Variants in FTO observed in about 807,000 individuals in gnomAD.
The protein encoded by FTO is alpha-ketoglutarate-dependent dioxygenase FTO.
In FTO, 47 loss-of-function variants were observed where a neutral mutation model predicts 63.9. That is an observed-to-expected ratio of 0.74 (90% CI 0.58 to 0.94). The LOEUF is 0.94. Among genes scored for constraint, FTO ranks in the 40% least tolerant of loss-of-function variants. The pLI is 0.00. For missense variants in FTO, 562 were observed against 618.1 expected, an observed-to-expected ratio of 0.91 and a Z score of 0.96; for synonymous variants, 207 against 224.4, an observed-to-expected ratio of 0.92 and a Z score of 0.69.
intron 8 of FTO, among the ~76,000 whole-genome samples, chr16:54,037,258 T>C (rs1265476070): frequency 1.3e-5 from 2 of 152,164 alleles, no homozygotes; most frequent in African/African-American, 2.4e-5. Flanking sequence ...ATCATATGCA[T>C]ATTGGGGAGG....
intron 1 of FTO, among the ~76,000 whole-genome samples, chr16:53,761,036 TCTCCCTTCCTCCCTCC>T (rs959632766): frequency 8.6e-5 from 13 of 151,658 alleles, no homozygotes; most frequent in Non-Finnish European, 1.9e-4. Flanking sequence ...TCCCTTTCCT[TCTCCCTTCCTCCCTCC>T]CTCCCTTCCT....
chr16:53,912,891 A>T (rs530985987), intron 7 of FTO, among the ~76,000 whole-genome samples: 11 of 152,352 alleles, frequency 7.2e-5, no homozygotes, highest in African/African-American at 2.6e-4. Flanking sequence ...TCAGAAGAAG[A>T]TGCAGCTTGT....
At chr16:54,103,751 T>C (rs1209188168) in intron 8 of FTO, among the ~76,000 whole-genome samples, 1 of 152,168 alleles carries the variant, frequency 6.6e-6, no homozygotes, top group African/African-American at 2.4e-5. Context: ...GTGACAAAAG[T>C]CCAAAAAGAC....
intron 7 of FTO, among the ~76,000 whole-genome samples, chr16:53,923,599 C>T (rs1000288217): frequency 1.3e-5 from 2 of 152,122 alleles, no homozygotes; most frequent in South Asian, 4.1e-4. Context: ...GGGCTGCTGG[C>T]GCCAAGGCCC....
At chr16:53,823,348 G>A (rs757897993) in intron 2 of FTO, among the ~76,000 whole-genome samples, 9 of 152,056 alleles carry the variant, frequency 5.9e-5, no homozygotes, top group Non-Finnish European at 4.4e-5. Flanking sequence ...AAATAGCTTT[G>A]GTCTCCTTTT....
At chr16:54,029,570 C>T (rs1408119430) in intron 8 of FTO, among the ~76,000 whole-genome samples, 2 of 152,128 alleles carry the variant, frequency 1.3e-5, no homozygotes, top group Admixed American at 6.6e-5. Flanking sequence ...TCTCTTCCTA[C>T]CGTCTTCCAT....
intron 8 of FTO, among the ~76,000 whole-genome samples, chr16:53,995,361 G>A (rs980966273): frequency 1.3e-5 from 2 of 152,130 alleles, no homozygotes; most frequent in Non-Finnish European, 2.9e-5. Context: ...ATTAAGTGAG[G>A]GAAAGCTTTT....
At chr16:53,862,452 T>C (rs1386146041) in intron 4 of FTO, among the ~76,000 whole-genome samples, 3 of 152,198 alleles carry the variant, frequency 2.0e-5, no homozygotes, top group Non-Finnish European at 4.4e-5. Context: ...TCAACCATTT[T>C]ATAGTGCAGA....
chr16:53,713,276 T>A (rs2075819851), intron 1 of FTO, among the ~76,000 whole-genome samples: 1 of 152,204 alleles, frequency 6.6e-6, no homozygotes, highest in Non-Finnish European at 1.5e-5. Context: ...AATTTTAAAA[T>A]GCCAGTTTAC....
At chr16:53,915,489 G>A (rs2081841277) in intron 7 of FTO, among the ~76,000 whole-genome samples, 2 of 152,180 alleles carry the variant, frequency 1.3e-5, no homozygotes, top group Non-Finnish European at 2.9e-5. Context: ...GGGAAAGGAG[G>A]ATGTTTTATT....
intron 4 of FTO, among the ~76,000 whole-genome samples, chr16:53,868,818 A>G (rs868151425): frequency 3.9e-5 from 6 of 152,056 alleles, no homozygotes; most frequent in Middle Eastern, 3.4e-3. Flanking sequence ...ATTTTTTTAA[A>G]AAATCCTTTC....
At chr16:53,844,903 G>A (rs1468768433) in intron 4 of FTO, among the ~76,000 whole-genome samples, 2 of 142,002 alleles carry the variant, frequency 1.4e-5, no homozygotes, top group Non-Finnish European at 3.1e-5. Flanking sequence ...TTAGTTTTTA[G>A]TAGTGAGAGT....
intron 5 of FTO, 148 bp from the exon 6 acceptor site, chr16:53,879,696 A>T (rs2080769195): frequency 5.6e-6 from 4 of 710,894 alleles, no homozygotes; most frequent in Non-Finnish European, 8.8e-6. Context: ...AAAATTAAAA[A>T]AAAAAAAAAA....
At chr16:53,985,027 A>AC (rs375117736) in intron 8 of FTO, 3 of 450,382 alleles carry the variant, frequency 6.7e-6, no homozygotes, top group Non-Finnish European at 8.9e-6. Context: ...TTAGTTTAAA[A>AC]CCTGCCGTTA....
chr16:54,033,291 A>G (rs2084871931), intron 8 of FTO, among the ~76,000 whole-genome samples: 1 of 152,154 alleles, frequency 6.6e-6, no homozygotes, highest in Non-Finnish European at 1.5e-5. Context: ...ACTGACTTAC[A>G]TAATACTAGC....
intron 7 of FTO, among the ~76,000 whole-genome samples, chr16:53,929,936 T>C (rs557724905): frequency 6.6e-6 from 1 of 152,350 alleles, no homozygotes; most frequent in African/African-American, 2.4e-5. Flanking sequence ...ATGTGAGATG[T>C]GGACCACAGG....
chr16:53,712,740 G>A (rs2075804890), intron 1 of FTO, among the ~76,000 whole-genome samples: 1 of 152,182 alleles, frequency 6.6e-6, no homozygotes, highest in Non-Finnish European at 1.5e-5. Flanking sequence ...TACCTGGCAG[G>A]ATGTCTTCCA....
chr16:53,731,816 C>T (rs1425335703), intron 1 of FTO, among the ~76,000 whole-genome samples: 1 of 150,302 alleles, frequency 6.7e-6, no homozygotes. Flanking sequence ...GGCACTATCT[C>T]GGCTCACTGC....
intron 8 of FTO, among the ~76,000 whole-genome samples, chr16:53,936,172 G>A (rs1203520792): frequency 1.3e-5 from 2 of 152,226 alleles, no homozygotes; most frequent in African/African-American, 4.8e-5. Flanking sequence ...CAGTGTTGAA[G>A]TTGATGTAGT....
Sources: gnomAD v4.1 joint callset for allele counts (sites outside exome capture counted in the v4.1 genomes callset) on GRCh38, gnomAD v4.1.1 for gene constraint, MANE v1.5 for transcripts, NCBI Gene and HGNC (gene_info 2026-07-23, HGNC 2026-07-21) for gene names.